PPM1A: variants seen among roughly 807,000 people sequenced by gnomAD.
PPM1A encodes the protein protein phosphatase 1A.
In PPM1A, 7 loss-of-function variants were observed where a neutral mutation model predicts 35.0. The ratio of observed to expected loss-of-function variants is 0.20; its 90% confidence interval spans 0.11 to 0.38. The LOEUF (loss-of-function observed/expected upper bound fraction) is 0.38, where lower values mean the gene tolerates loss of function less well. Ranked by LOEUF, PPM1A falls within the 10% of genes least tolerant of loss-of-function variation. PPM1A has a pLI of 1.00. For missense variants in PPM1A, 239 were observed against 467.8 expected (o/e 0.51, Z 4.51); for synonymous variants, 153 against 167.3 (o/e 0.91, Z 0.66).
At chr14:60,288,588 A>T (rs1396398974) in intron 3 of PPM1A, 1 of 971,104 alleles carries the variant, frequency 1.0e-6, no homozygotes, top group Non-Finnish European at 1.2e-6. Context: ...CAGATTTAAG[A>T]CTGTTTTTTT....
intron 4 of PPM1A, 124 bp from the exon 5 acceptor site, chr14:60,291,273 A>G (rs947658950): frequency 1.6e-6 from 1 of 608,746 alleles, no homozygotes; most frequent in Non-Finnish European, 2.6e-6. Context: ...ACAGCAAGAA[A>G]TAGAACTAAA....
chr14:60,273,478 C>T lies in PPM1A; in HGVS notation c.-20-9206C>T, dbSNP rs1414033593. Among the ~76,000 whole-genome samples the T allele has an allele frequency of 6.6e-6, 1 of 152,118 alleles. No individual in the cohort carries two copies. Among genetic ancestry groups the T allele is most frequent in the African/African-American group, 2.4e-5 (1 of 41,404 alleles). ...TGCGGCTAGAGAAGGTACGTAGGGG[C>T]TTGACTTCCCAGGGCCTTCATGTGA... is the stretch of plus-strand genomic sequence containing the variant. On this transcript the variant is annotated intron_variant, in intron 1 of 5. Transcript: ENST00000395076. The surrounding 1 kb of genome is among the most constrained non-coding windows in gnomAD (Gnocchi z 4.3).
intron 1 of PPM1A, among the ~76,000 whole-genome samples, chr14:60,263,045 T>G (rs1883947956): frequency 6.6e-6 from 1 of 152,024 alleles, no homozygotes; most frequent in Non-Finnish European, 1.5e-5. Flanking sequence ...GGCGAAACCC[T>G]ATCTCTAATA....
Position 60,292,649 on chromosome 14 carries a change from A to AT in PPM1A, c.*184dup, listed in dbSNP as rs201235752. On this transcript the variant is annotated 3_prime_UTR_variant, in exon 6 of 6. Transcript: ENST00000395076. This position sits in a 1 kb window ranked among gnomAD's most constrained non-coding sequence, Gnocchi z 4.2. ...CAGTACAACAGCTAGCCCAGAACTG[A>AT]TTTTTTTTTTTTTTTTTGTAAATTT... 38,753 of 342,696 alleles carry AT rather than the reference A, an allele frequency of 0.11. 613 individuals carry two copies. The highest frequency in any genetic ancestry group is 0.17 in the African/African-American group (7,488 of 43,840). The allele number at this position is 342,696 out of a possible 1,614,324, so 21.2% of individuals were successfully genotyped here.
chr14:60,274,149 A>G (rs935930474), intron 1 of PPM1A, among the ~76,000 whole-genome samples: 9 of 152,198 alleles, frequency 5.9e-5, no homozygotes, highest in Non-Finnish European at 1.2e-4. Context: ...AGACGACGGA[A>G]AAGCTTAGGG....
At chr14:60,253,565 A>T (rs1882698104) in intron 1 of PPM1A, among the ~76,000 whole-genome samples, 1 of 152,214 alleles carries the variant, frequency 6.6e-6, no homozygotes, top group Non-Finnish European at 1.5e-5. Context: ...CTTACGATTC[A>T]TAGATTCCTA....
At chr14:60,247,524 G>A (rs1387463601), upstream of PPM1A, among the ~76,000 whole-genome samples, 1 of 151,392 alleles carries the variant, frequency 6.6e-6, no homozygotes, top group Non-Finnish European at 1.5e-5. Flanking sequence ...CAGCTACTCG[G>A]GAGGCTGAGG....
chr14:60,255,796 G>T (rs1883057866), intron 1 of PPM1A, among the ~76,000 whole-genome samples: 1 of 152,166 alleles, frequency 6.6e-6, no homozygotes, highest in Non-Finnish European at 1.5e-5. Flanking sequence ...TTCTTATATT[G>T]ATGTAGAAGA....
Position 60,292,437 on chromosome 14 carries a change from G to C in PPM1A, c.1120-16G>C. On this transcript the variant is annotated splice_polypyrimidine_tract_variant and intron_variant, in intron 5 of 5. Coordinates refer to ENST00000395076, the MANE Select transcript of PPM1A (RefSeq NM_021003.5). The surrounding 1 kb of genome is among the most constrained non-coding windows in gnomAD (Gnocchi z 4.2). ...AAATTTTAACGTTGTTCCTTATTTT[G>C]CTTCCTTTTACAAAGGACTCTACAT... 6.3e-7 allele frequency: 1 copy of C among 1,585,880 alleles called. No homozygotes were observed. The highest frequency in any genetic ancestry group is 8.6e-7 in the Non-Finnish European group (1 of 1,156,132).
At chr14:60,247,284 T>G (rs976216239), upstream of PPM1A, among the ~76,000 whole-genome samples, 5 of 152,072 alleles carry the variant, frequency 3.3e-5, no homozygotes, top group Non-Finnish European at 7.4e-5. Context: ...ACCAAATGCA[T>G]AGTGAATTTT....
At position 60,249,686 on chromosome 14, in the gene PPM1A, G is replaced by T; in HGVS notation, c.-21+9G>T. ...GCCTGCGGCTGCTCCGGGTAAGTGC[G>T]GCGCTCGGGCCGACGGCGGGCTGGC... On this transcript the variant is annotated intron_variant, in intron 1 of 5. Coordinates refer to ENST00000395076, the MANE Select transcript of PPM1A (RefSeq NM_021003.5). This position sits in a 1 kb window ranked among gnomAD's most constrained non-coding sequence, Gnocchi z 4.5. 1 of 984,038 alleles carries T rather than the reference G, an allele frequency of 1.0e-6. No homozygotes were observed. Among genetic ancestry groups the T allele is most frequent in the South Asian group, 4.5e-5 (1 of 22,040 alleles). 61.0% of individuals were successfully genotyped at this position (984,038 alleles called of 1,614,324 possible). A position where few individuals can be genotyped will look rare whatever the true frequency, so the allele number is the denominator to read the frequency against.
chr14:60,254,141 T>A (rs1882769542), intron 1 of PPM1A, among the ~76,000 whole-genome samples: 1 of 152,194 alleles, frequency 6.6e-6, no homozygotes, highest in Non-Finnish European at 1.5e-5. Context: ...AGAGACTTGC[T>A]TAGTATGAGA....
In PPM1A at chr14:60,278,783, A is replaced by G. The variant is rs532134957; in HGVS notation, c.-20-3901A>G. 5.4e-4 allele frequency among the ~76,000 whole-genome samples: 83 copies of G among 152,312 alleles called. 4 individuals are homozygous for G. The South Asian group carries it at 0.017, about 32-fold the overall frequency. On this transcript the variant is annotated intron_variant, in intron 1 of 5. Coordinates refer to ENST00000395076, the MANE Select transcript of PPM1A (RefSeq NM_021003.5). ...GAATTGTTTTGCAGCCTTGTTCAGC[A>G]TATTGTCTTCTTTTGTTTTTTAGGA...
upstream of PPM1A, among the ~76,000 whole-genome samples, chr14:60,247,627 CAAAAAAAAAAAAAA>C (rs58749853): frequency 4.0e-5 from 2 of 50,144 alleles, no homozygotes; most frequent in African/African-American, 1.4e-4. Context: ...GACTCTGTCT[CAAAAAAAAAAAAAA>C]AAAAAAAAAA....
intron 1 of PPM1A, among the ~76,000 whole-genome samples, chr14:60,276,345 C>T (rs1885758924): frequency 6.6e-6 from 1 of 152,002 alleles, no homozygotes; most frequent in South Asian, 2.1e-4. Flanking sequence ...ATTTTTTTCT[C>T]TTTGGATTTC....
At chr14:60,285,187 A>G (rs935925806) in intron 2 of PPM1A, among the ~76,000 whole-genome samples, 5 of 152,194 alleles carry the variant, frequency 3.3e-5, no homozygotes, top group Non-Finnish European at 7.3e-5. Flanking sequence ...TAATTTTATC[A>G]GGTACATATA....
chr14:60,247,642 A>G (rs2139287770), upstream of PPM1A, among the ~76,000 whole-genome samples: 1 of 150,488 alleles, frequency 6.6e-6, no homozygotes, highest in East Asian at 1.9e-4. Flanking sequence ...AAAAAAAAAA[A>G]AAAAAAAAAA....
rs116296817 is a variant in PPM1A, at chr14:60,275,994, T to C, written c.-20-6690T>C. 3.8e-3 allele frequency among the ~76,000 whole-genome samples: 581 copies of C among 152,300 alleles called. 7 individuals carry two copies. Among genetic ancestry groups the C allele is most frequent in the African/African-American group, 0.013 (556 of 41,558 alleles). ...AGCTTGGGAAATTAAGTGTAGTTTG[T>C]GTAGCCTAAATTATCCTTTATAGAG... On this transcript the variant is annotated intron_variant, in intron 1 of 5. Transcript: ENST00000395076.
intron 1 of PPM1A, among the ~76,000 whole-genome samples, chr14:60,270,956 C>T (rs78042463): frequency 0.01 from 1,572 of 152,312 alleles, 32 homozygotes; most frequent in African/African-American, 0.035. Context: ...CAAATTATCA[C>T]GAACTTGGTG....
Sources: allele counts gnomAD v4.1 joint callset (sites outside exome capture counted in the v4.1 genomes callset), GRCh38; gene constraint gnomAD v4.1.1; non-coding constraint Gnocchi (gnomAD v3.1); transcripts MANE v1.5; gene names NCBI Gene and HGNC (gene_info 2026-07-23, HGNC 2026-07-21).